PTPRD: variants seen among roughly 807,000 people sequenced by gnomAD.
PTPRD encodes the protein receptor-type tyrosine-protein phosphatase delta.
A neutral mutation model predicts 214.5 loss-of-function variants in PTPRD; 34 were observed. The ratio of observed to expected loss-of-function variants is 0.16; its 90% CI spans 0.12 to 0.21. The LOEUF is 0.21. PTPRD is among the 10% of genes least tolerant of loss of function. The pLI, the probability that PTPRD is intolerant of heterozygous loss-of-function variation, is 1.00. For synonymous variants in PTPRD, 1,128 were observed against 845.7 expected, an observed-to-expected ratio of 1.33 and a Z score of -5.79; for missense variants, 2,545 against 2,398.7, an observed-to-expected ratio of 1.06 and a Z score of -1.27.
intron 2 of PTPRD, among the ~76,000 whole-genome samples, chr9:10,455,249 C>T (rs1379679374): frequency 1.3e-5 from 2 of 151,640 alleles, no homozygotes; most frequent in Non-Finnish European, 3.0e-5. Context: ...CATTACTTTA[C>T]GTGAAAGAAT....
chr9:9,322,228 C>G (rs1966852425), intron 9 of PTPRD, among the ~76,000 whole-genome samples: 2 of 152,068 alleles, frequency 1.3e-5, no homozygotes, highest in Non-Finnish European at 2.9e-5. Context: ...ATGACTTTCA[C>G]CAGTAAAATT....
rs2050528569 is a variant in PTPRD, at chr9:9,821,035, GA to G, written c.-367-54185del. Among the ~76,000 whole-genome samples the G allele has an allele frequency of 3.3e-5, 5 of 152,142 alleles. No homozygotes were observed. In the South Asian group the frequency reaches 1.0e-3, roughly 32 times the overall value. Reference sequence around the variant, plus strand: ...ATGAAACATGTTGGTAGTTTGATAGGAATAGCACTGAATCTGTATATTGCTT... The same window carrying G: ...ATGAAACATGTTGGTAGTTTGATAGGATAGCACTGAATCTGTATATTGCTT... On this transcript the variant is annotated intron_variant, in intron 5 of 45. Coordinates refer to ENST00000381196, the MANE Select transcript of PTPRD (RefSeq NM_002839.4).
chr9:9,819,336 G>C (rs1055614080), intron 5 of PTPRD, among the ~76,000 whole-genome samples: 8 of 152,104 alleles, frequency 5.3e-5, no homozygotes, highest in Non-Finnish European at 1.2e-4. Context: ...AATTCCTCCA[G>C]AATGAGATGA....
At chr9:8,715,304 T>C (rs181481752) in intron 12 of PTPRD, among the ~76,000 whole-genome samples, 5 of 152,180 alleles carry the variant, frequency 3.3e-5, no homozygotes, top group African/African-American at 1.2e-4. Flanking sequence ...ACATAACAAC[T>C]GCAGGATGAG....
At chr9:10,403,210 A>G (rs1951787) in intron 2 of PTPRD, among the ~76,000 whole-genome samples, 109,320 of 127,166 alleles carry the variant, frequency 0.86, 47,042 homozygotes, top group African/African-American at 0.89. Context: ...TTTTTCTGTT[A>G]TTTGTGTGTG....
intron 10 of PTPRD, among the ~76,000 whole-genome samples, chr9:9,054,260 CT>C (rs1473527247): frequency 2.6e-5 from 4 of 152,124 alleles, no homozygotes; most frequent in Non-Finnish European, 5.9e-5. Flanking sequence ...CCACGAAGTT[CT>C]CATTGTCACG....
chr9:10,427,713 T>C (rs947011769), intron 2 of PTPRD, among the ~76,000 whole-genome samples: 4 of 151,930 alleles, frequency 2.6e-5, no homozygotes, highest in African/African-American at 7.2e-5. Context: ...CCCTTGGATA[T>C]AGCAAAAAAA....
chr9:8,729,602 C>T (rs931636033), intron 12 of PTPRD, among the ~76,000 whole-genome samples: 1 of 152,164 alleles, frequency 6.6e-6, no homozygotes, highest in Non-Finnish European at 1.5e-5. Flanking sequence ...AGCAAATCCT[C>T]GCAAAACCCA....
intron 4 of PTPRD, among the ~76,000 whole-genome samples, chr9:10,004,247 A>C (rs1271991875): frequency 6.6e-6 from 1 of 151,970 alleles, no homozygotes; most frequent in Admixed American, 6.6e-5. Context: ...TAAAATTGTT[A>C]AGTATACCTG....
chr9:9,335,851 A>T (rs1287295490), intron 9 of PTPRD, among the ~76,000 whole-genome samples: 2 of 152,128 alleles, frequency 1.3e-5, no homozygotes, highest in African/African-American at 4.8e-5. Flanking sequence ...TGCAACAAAA[A>T]ACACAACTCA....
At chr9:8,600,183 C>T (rs1035109072) in intron 14 of PTPRD, among the ~76,000 whole-genome samples, 2 of 152,134 alleles carry the variant, frequency 1.3e-5, no homozygotes, top group African/African-American at 4.8e-5. Flanking sequence ...TGTATTCAGC[C>T]GACACCTGCC....
At chr9:9,272,976 T>C (rs1943544230) in intron 9 of PTPRD, among the ~76,000 whole-genome samples, 2 of 151,338 alleles carry the variant, frequency 1.3e-5, no homozygotes, top group African/African-American at 4.8e-5. Context: ...ATAATGTCAA[T>C]ATTTGTTGTG....
chr9:10,471,575 C>A (rs996852232), intron 2 of PTPRD, among the ~76,000 whole-genome samples: 1 of 152,032 alleles, frequency 6.6e-6, no homozygotes, highest in African/African-American at 2.4e-5. Context: ...AATCTGGTAT[C>A]TGTGAAAATT....
intron 9 of PTPRD, 143 bp downstream of exon 9, chr9:9,397,306 A>G (rs2068268210): frequency 6.6e-6 from 1 of 152,228 alleles, no homozygotes; most frequent in African/African-American, 2.4e-5. Context: ...AAGAAACAAA[A>G]CATCCTAAAA....
intron 5 of PTPRD, among the ~76,000 whole-genome samples, chr9:9,777,325 GCACACACA>G (rs34617348): frequency 6.3e-5 from 9 of 143,182 alleles, no homozygotes; most frequent in African/African-American, 7.7e-5. Flanking sequence ...GCACATACAT[GCACACACA>G]CACACACACA....
intron 37 of PTPRD, among the ~76,000 whole-genome samples, chr9:8,376,994 T>C (rs1282343412): frequency 6.6e-6 from 1 of 152,026 alleles, no homozygotes; most frequent in East Asian, 1.9e-4. Flanking sequence ...CTGGGTAAAA[T>C]ACAGAGAGAG....
At chr9:9,269,916 G>T (rs1171286666) in intron 9 of PTPRD, among the ~76,000 whole-genome samples, 1 of 150,994 alleles carries the variant, frequency 6.6e-6, no homozygotes, top group Non-Finnish European at 1.5e-5. Context: ...AAGGCGAATA[G>T]GCTCGGGAGA....
chr9:10,572,276 T>G (rs1451301745), intron 2 of PTPRD, among the ~76,000 whole-genome samples: 1 of 152,184 alleles, frequency 6.6e-6, no homozygotes, highest in Admixed American at 6.5e-5. Flanking sequence ...ATCATTACAA[T>G]GATAATCGGG....
At chr9:8,836,018 T>C (rs887901202) in intron 11 of PTPRD, among the ~76,000 whole-genome samples, 9 of 152,194 alleles carry the variant, frequency 5.9e-5, no homozygotes, top group Non-Finnish European at 2.9e-5. Flanking sequence ...TTCATAAATA[T>C]TGGTTTAATT....
Sources: allele counts gnomAD v4.1 joint callset (sites outside exome capture counted in the v4.1 genomes callset), GRCh38; gene constraint gnomAD v4.1.1; transcripts MANE v1.5; gene names NCBI Gene and HGNC (gene_info 2026-07-23, HGNC 2026-07-21).